The following TTC29 variants were observed in gnomAD, a reference collection of about 807,000 sequenced individuals.
The protein encoded by TTC29 is tetratricopeptide repeat domain 29.
TTC29 carries 49 observed loss-of-function variants against 58.1 expected under a neutral mutation model. The ratio of observed to expected loss-of-function variants is 0.84; its 90% CI spans 0.67 to 1.07. The LOEUF is 1.07. Among genes scored for constraint, TTC29 ranks in the 50% least tolerant of loss-of-function variants. The pLI is 0.00. For synonymous variants in TTC29, 209 were observed against 196.8 expected (o/e 1.06, Z -0.52); for missense variants, 582 against 555.6 (o/e 1.05, Z -0.48).
At chr4:146,776,440 GTT>G (rs79215075) in intron 11 of TTC29, among the ~76,000 whole-genome samples, 13 of 142,706 alleles carry the variant, frequency 9.1e-5, no homozygotes, top group African/African-American at 2.3e-4. Context: ...TCCTTTGGAT[GTT>G]TTTTTTTTTT....
At chr4:146,944,461 T>C (rs1278024295) in intron 2 of TTC29, 1 of 152,212 alleles carries the variant, frequency 6.6e-6, no homozygotes, top group Non-Finnish European at 1.5e-5. Context: ...CCAAGTAAAA[T>C]TCTTCAAAGA....
intron 9 of TTC29, among the ~76,000 whole-genome samples, chr4:146,826,889 C>CTTGGCTGAT (rs56696198): frequency 0.38 from 56,286 of 149,750 alleles, 11,409 homozygotes; most frequent in African/African-American, 0.51. Flanking sequence ...CTTTCTTCTG[C>CTTGGCTGAT]TTGGCTGTTG....
chr4:146,712,026 A>C (rs193246845), intron 11 of TTC29, among the ~76,000 whole-genome samples: 272 of 152,036 alleles, frequency 1.8e-3, no homozygotes, highest in African/African-American at 6.1e-3. Context: ...TAAATAAATA[A>C]ATACATAAAT....
At chr4:146,820,078 C>T (rs779741623) in intron 10 of TTC29, 47 bp downstream of exon 10, 37 of 1,604,184 alleles carry the variant, frequency 2.3e-5, no homozygotes, top group Non-Finnish European at 2.7e-5. Context: ...GAAATTTCTC[C>T]CTAAACACCG....
At chr4:146,732,465 CAT>C (rs1194656190) in intron 11 of TTC29, among the ~76,000 whole-genome samples, 2 of 152,118 alleles carry the variant, frequency 1.3e-5, no homozygotes, top group Non-Finnish European at 2.9e-5. Context: ...ACTGATGACA[CAT>C]GTTGGTAGGA....
intron 7 of TTC29, among the ~76,000 whole-genome samples, chr4:146,873,191 G>A (rs1731046688): frequency 6.6e-6 from 1 of 152,052 alleles, no homozygotes; most frequent in African/African-American, 2.4e-5. Flanking sequence ...GCTTTATTCA[G>A]GTAATCATCA....
At chr4:146,877,794 T>C (rs1225971357) in intron 6 of TTC29, among the ~76,000 whole-genome samples, 1 of 152,188 alleles carries the variant, frequency 6.6e-6, no homozygotes, top group African/African-American at 2.4e-5. Flanking sequence ...AGTTCCAGAA[T>C]AGATATGGAT....
At chr4:146,797,593 G>T (rs1466523553) in intron 11 of TTC29, among the ~76,000 whole-genome samples, 1 of 150,794 alleles carries the variant, frequency 6.6e-6, no homozygotes, top group Admixed American at 6.6e-5. Flanking sequence ...TTTTTACAAA[G>T]ATCTTTCTGG....
At chr4:146,811,762 T>C (rs1751040816) in intron 10 of TTC29, among the ~76,000 whole-genome samples, 1 of 152,190 alleles carries the variant, frequency 6.6e-6, no homozygotes, top group Non-Finnish European at 1.5e-5. Flanking sequence ...TCAAACTGAC[T>C]GAATAAAGAA....
chr4:146,886,285 A>T (rs10006318), intron 6 of TTC29, among the ~76,000 whole-genome samples: 2,150 of 152,152 alleles, frequency 0.014, 43 homozygotes, highest in African/African-American at 0.049. Context: ...CATTTGTTGA[A>T]CAGCCCAATT....
chr4:146,740,135 A>C (rs1047859518), intron 11 of TTC29, among the ~76,000 whole-genome samples: 1 of 152,168 alleles, frequency 6.6e-6, no homozygotes, highest in Non-Finnish European at 1.5e-5. Context: ...TAGCCTATTA[A>C]ATAAATAAGA....
At chr4:146,828,239 T>A (rs1481694397) in intron 9 of TTC29, among the ~76,000 whole-genome samples, 4 of 152,198 alleles carry the variant, frequency 2.6e-5, no homozygotes, top group African/African-American at 9.6e-5. Context: ...GGTTCACCGA[T>A]TATTTTAATT....
Position 146,773,577 on chromosome 4 carries a change from C to T in TTC29, c.1330+29880G>A, listed in dbSNP as rs138388798. Among the ~76,000 whole-genome samples the T allele has an allele frequency of 2.5e-3, 387 of 152,136 alleles. 3 individuals are homozygous for T. The highest frequency in any genetic ancestry group is 9.0e-3 in the African/African-American group (372 of 41,544). On this transcript the variant is annotated intron_variant, in intron 11 of 12. Coordinates refer to ENST00000325106, the MANE Select transcript of TTC29 (RefSeq NM_031956.4). ...TACCAGAGCTTACAGACTACTTGAT[C>T]ATAGGCTCTAATCTACTTGATCATA...
At chr4:146,783,804 AT>A (rs1305857752) in intron 11 of TTC29, among the ~76,000 whole-genome samples, 3 of 152,044 alleles carry the variant, frequency 2.0e-5, no homozygotes, top group Non-Finnish European at 4.4e-5. Context: ...AAACAGTACC[AT>A]TTTTTAAGGA....
rs553015265 is a variant in TTC29, at chr4:146,937,521, T to C, written c.176+73A>G. 7.7e-5 allele frequency: 78 copies of C among 1,008,450 alleles called. 1 individual carries two copies. In the South Asian group the frequency reaches 9.0e-4, roughly 12 times the overall value. The allele number at this position is 1,008,450 out of a possible 1,614,324, so 62.5% of individuals were successfully genotyped here. ...TGAAAAAGTATATTACACAGGAAAA[T>C]TGAAATTTCAATAAAGAATCAAGAC... is the stretch of plus-strand genomic sequence containing the variant. On this transcript the variant is annotated intron_variant, in intron 4 of 12. Transcript: ENST00000325106.
intron 8 of TTC29, among the ~76,000 whole-genome samples, chr4:146,856,620 AC>A (rs1305976712): frequency 1.3e-5 from 2 of 151,404 alleles, no homozygotes; most frequent in Non-Finnish European, 2.9e-5. Flanking sequence ...AATTTATATG[AC>A]AAATACTATA....
intron 11 of TTC29, among the ~76,000 whole-genome samples, chr4:146,725,442 G>A (rs1743711112): frequency 6.6e-6 from 1 of 152,094 alleles, no homozygotes. Context: ...AGGCTGAGGT[G>A]GGAAGATTGC....
chr4:146,848,656 G>C (rs1051730240), intron 8 of TTC29, among the ~76,000 whole-genome samples: 21 of 152,104 alleles, frequency 1.4e-4, no homozygotes, highest in Admixed American at 4.6e-4. Context: ...TGTTATATTT[G>C]GTGCTTTTGA....
chr4:146,855,158 G>A (rs1273407150), intron 8 of TTC29, among the ~76,000 whole-genome samples: 1 of 152,090 alleles, frequency 6.6e-6, no homozygotes, highest in Admixed American at 6.6e-5. Context: ...AGCTGGGCAT[G>A]GTGGCTCATG....
Sources: allele counts gnomAD v4.1 joint callset (sites outside exome capture counted in the v4.1 genomes callset), GRCh38; gene constraint gnomAD v4.1.1; transcripts MANE v1.5; gene names NCBI Gene and HGNC (gene_info 2026-07-23, HGNC 2026-07-21).